The following CANT1 variants were observed in gnomAD, a reference collection of about 807,000 sequenced individuals.
CANT1 encodes calcium activated nucleotidase 1.
CANT1 carries 26 observed loss-of-function variants against 30.0 expected under a neutral mutation model. The observed-to-expected ratio is 0.87, with a 90% CI of 0.64 to 1.20. CANT1 has a LOEUF of 1.20. CANT1 is among the 50% of genes most tolerant of loss of function. The probability of loss-of-function intolerance (pLI) is 0.00; values close to 1 mark genes in which losing one functional copy is unlikely to be tolerated. For synonymous variants in CANT1, 246 were observed against 251.8 expected (o/e 0.98, Z 0.22); for missense variants, 518 against 563.0 (o/e 0.92, Z 0.81).
At chr17:79,000,462 C>T (rs1228318896) in intron 1 of CANT1, among the ~76,000 whole-genome samples, 1 of 151,568 alleles carries the variant, frequency 6.6e-6, no homozygotes, top group Non-Finnish European at 1.5e-5. Flanking sequence ...CTGACACTCC[C>T]ATACCCCCCG....
At position 78,992,110 on chromosome 17, in the gene CANT1, C is replaced by T. The variant is rs4861; in HGVS notation, c.*1440G>A. On this transcript the variant is annotated 3_prime_UTR_variant, in exon 5 of 5. Coordinates refer to ENST00000392446, the MANE Select transcript of CANT1 (RefSeq NM_001159773.2). ...GAGCTCTTCAGAAATGCGTCACATTCAGCGTTCACTTCCTTCGCTTCCTCC... is the reference window on the plus strand; with the variant it reads ...GAGCTCTTCAGAAATGCGTCACATTTAGCGTTCACTTCCTTCGCTTCCTCC... 33,566 of 232,206 alleles carry T rather than the reference C, an allele frequency of 0.14. 2,962 individuals are homozygous for T. Among genetic ancestry groups the T allele is most frequent in the East Asian group, 0.27 (4,488 of 16,456 alleles). 14.4% of individuals were successfully genotyped at this position (232,206 alleles called of 1,614,324 possible).
chr17:79,001,822 G>A (rs1028345450), intron 1 of CANT1, among the ~76,000 whole-genome samples: 5 of 151,998 alleles, frequency 3.3e-5, no homozygotes, highest in South Asian at 2.1e-4. Flanking sequence ...AGACCCCCAC[G>A]CCTTTCTAGC....
At chr17:79,000,717 C>CCT (rs2071226272) in intron 1 of CANT1, among the ~76,000 whole-genome samples, 1 of 152,234 alleles carries the variant, frequency 6.6e-6, no homozygotes, top group Non-Finnish European at 1.5e-5. Context: ...TGCAGTTCCC[C>CCT]CTGCCTGGAA....
chr17:78,996,933 C>G lies in CANT1; in HGVS notation c.631+59G>C. 1 of 1,604,840 alleles carries G rather than the reference C, an allele frequency of 6.2e-7. No individual in the cohort carries two copies. Among genetic ancestry groups the G allele is most frequent in the East Asian group, 2.2e-5 (1 of 44,872 alleles). On this transcript the variant is annotated intron_variant, in intron 3 of 4. Transcript: ENST00000392446. The surrounding 1 kb of genome is among the most constrained non-coding windows in gnomAD (Gnocchi z 5.1). ...TTTACCATGTGCCTGTGTTTGCCAG[C>G]CAGGCCCTGAGCTCCCACTCCCCAC...
intron 1 of CANT1, among the ~76,000 whole-genome samples, chr17:78,999,067 G>A (rs545245944): frequency 6.6e-6 from 1 of 152,256 alleles, no homozygotes; most frequent in African/African-American, 2.4e-5. Flanking sequence ...CAGCCTGCTG[G>A]GCTGAGAAGA....
At position 79,002,389 on chromosome 17, in the gene CANT1, C is replaced by T. The variant is rs1285949314; in HGVS notation, c.-146-4426G>A. On this transcript the variant is annotated intron_variant, in intron 1 of 4. Transcript: ENST00000392446. This position sits in a 1 kb window ranked among gnomAD's most constrained non-coding sequence, Gnocchi z 4.0. ...TTCTCACTCACTCTACAAGTACCCT[C>T]TCGCCTGCTGGGAGGGTTGCAAACT... Among the ~76,000 whole-genome samples, 1 of 152,222 alleles carries T rather than the reference C, an allele frequency of 6.6e-6. No homozygotes were observed. The highest frequency in any genetic ancestry group is 1.5e-5 in the Non-Finnish European group (1 of 68,040).
In CANT1 at chr17:78,992,721, C is replaced by T. The variant is rs115856545; in HGVS notation, c.*829G>A. The T allele has an allele frequency of 0.024, 14,528 of 596,736 alleles. 202 individuals are homozygous for T. The highest frequency in any genetic ancestry group is 0.033 in the East Asian group (980 of 29,470). 37.0% of individuals were successfully genotyped at this position (596,736 alleles called of 1,614,324 possible). A position where few individuals can be genotyped will look rare whatever the true frequency, so the allele number is the denominator to read the frequency against. ...CAAGAACGCCGACATGTGAGACTTG[C>T]TTCACCAGCCGCCACCGCTTCCTTA... On this transcript the variant is annotated 3_prime_UTR_variant, in exon 5 of 5. Transcript: ENST00000392446.
chr17:78,997,405 T>C lies in CANT1; in HGVS notation c.218A>G (p.Asn73Ser), dbSNP rs2071077012. The change falls in exon 3 of 5, where the codon AAT (asparagine) becomes AGT (serine). Residue 73 changes from asparagine (N) to serine (S), a missense_variant. Transcript: ENST00000392446. This position sits in a 1 kb window ranked among gnomAD's most constrained non-coding sequence, Gnocchi z 7.5. ...RPAPGRPPTH[N>S]AHNWRLGQAP... ...CTGGCCGAGCCTCCAGTTGTGTGCATTGTGGGTGGGGGGCCTGCCGGGGGC... is the reference window on the plus strand; with the variant it reads ...CTGGCCGAGCCTCCAGTTGTGTGCACTGTGGGTGGGGGGCCTGCCGGGGGC... 3 of 1,611,436 alleles carry C rather than the reference T, an allele frequency of 1.9e-6. No individual in the cohort carries two copies. Among genetic ancestry groups the C allele is most frequent in the Non-Finnish European group, 2.5e-6 (3 of 1,178,486 alleles).
chr17:79,005,643 G>A (rs1288279855), intron 1 of CANT1, among the ~76,000 whole-genome samples: 2 of 152,072 alleles, frequency 1.3e-5, no homozygotes, highest in African/African-American at 4.8e-5. Context: ...GTAGGCAGGT[G>A]GCAGGTGCGC....
At position 78,997,389 on chromosome 17, in the gene CANT1, C is replaced by A; in HGVS notation, c.234G>T (p.Arg78Ser). ...ACCAGTTGGCGGGCGCCTGGCCGAGCCTCCAGTTGTGTGCATTGTGGGTGG... is the reference window on the plus strand; with the variant it reads ...ACCAGTTGGCGGGCGCCTGGCCGAGACTCCAGTTGTGTGCATTGTGGGTGG... Reference protein sequence around the residue: ...RPPTHNAHNWRLGQAPANWYN... With the variant: ...RPPTHNAHNWSLGQAPANWYN... Residue 78 changes from arginine (R) to serine (S), a missense_variant, in exon 3 of 5, where the codon AGG (arginine) becomes AGT (serine). Around this residue, in one of 3 missense-constraint regions of CANT1, gnomAD observed 249 missense variants for 268.8 expected, o/e 0.93. Coordinates refer to ENST00000392446, the MANE Select transcript of CANT1 (RefSeq NM_001159773.2). This position sits in a 1 kb window ranked among gnomAD's most constrained non-coding sequence, Gnocchi z 7.5. 6.2e-7 allele frequency: 1 copy of A among 1,613,570 alleles called. No individual in the cohort carries two copies. Among genetic ancestry groups the A allele is most frequent in the Non-Finnish European group, 8.5e-7 (1 of 1,179,742 alleles).
rs748191954 is a variant in CANT1 at position 78,996,346 on chromosome 17, G to A, written c.631+646C>T. 2.4e-4 allele frequency among the ~76,000 whole-genome samples: 37 copies of A among 152,156 alleles called. No individual in the cohort carries two copies. Among genetic ancestry groups the A allele is most frequent in the Non-Finnish European group, 4.4e-4 (30 of 68,012 alleles). ...AGGAGCTGGCAGCTCCTCTGCCAGC[G>A]TCCTTGGCACCTCCCCAGCTCCTCT... is the stretch of plus-strand genomic sequence containing the variant. On this transcript the variant is annotated intron_variant, in intron 3 of 4. Transcript: ENST00000392446. This position sits in a 1 kb window ranked among gnomAD's most constrained non-coding sequence, Gnocchi z 5.1.
chr17:79,007,161 C>T (rs2071582901), intron 1 of CANT1, among the ~76,000 whole-genome samples: 1 of 152,230 alleles, frequency 6.6e-6, no homozygotes, highest in African/African-American at 2.4e-5. Flanking sequence ...AAAAACAGAA[C>T]GTCTCCCCAA....
In CANT1 at chr17:78,998,599, C is replaced by T. The variant is rs1470885558; in HGVS notation, c.-146-636G>A. On this transcript the variant is annotated intron_variant, in intron 1 of 4. Transcript: ENST00000392446. This position sits in a 1 kb window ranked among gnomAD's most constrained non-coding sequence, Gnocchi z 4.5. The stretch of plus-strand genomic sequence containing the variant: ...CTGGTGGCGGCCAGGAACTGCAGCC[C>T]TTCACTGCTGTCGCCAAGCCCACTT... Among the ~76,000 whole-genome samples, 1 of 152,258 alleles carries T rather than the reference C, an allele frequency of 6.6e-6. No homozygotes were observed. The highest frequency in any genetic ancestry group is 1.5e-5 in the Non-Finnish European group (1 of 68,044).
intron 1 of CANT1, among the ~76,000 whole-genome samples, chr17:79,001,370 C>A (rs2071254368): frequency 6.6e-6 from 1 of 152,100 alleles, no homozygotes; most frequent in African/African-American, 2.4e-5. Context: ...TCAGGTCAGT[C>A]CCCCCAGCCG....
chr17:78,997,878 T>C lies in CANT1; in HGVS notation c.-61A>G, dbSNP rs2071096745. 1 of 420,728 alleles carries C rather than the reference T, an allele frequency of 2.4e-6. No homozygotes were observed. Among genetic ancestry groups the C allele is most frequent in the Admixed American group, 4.0e-5 (1 of 25,198 alleles). 26.1% of individuals were successfully genotyped at this position (420,728 alleles called of 1,614,324 possible). ...GACGTGAAGTCTTTCCACAGCAAAA[T>C]TACTCCATCTCCCCTGTCCCAGCTG... On this transcript the variant is annotated 5_prime_UTR_variant, in exon 2 of 5. An upstream open reading frame in the 5' UTR loses its in-frame stop. Transcript: ENST00000392446. The surrounding 1 kb of genome is among the most constrained non-coding windows in gnomAD (Gnocchi z 7.5).
At position 78,997,037 on chromosome 17, in the gene CANT1, C is replaced by T. The variant is rs758757598; in HGVS notation, c.586G>A (p.Val196Met). 30 of 1,614,244 alleles carry T rather than the reference C, an allele frequency of 1.9e-5. No individual in the cohort carries two copies. The highest frequency in any genetic ancestry group is 8.9e-5 in the East Asian group (4 of 44,882). Reference sequence around the variant, plus strand: ...CCGTCGGACAGAATCACCCAGGGCACGGCTTTGCTGCCTTCGATCTGGTAG... The same window carrying T: ...CCGTCGGACAGAATCACCCAGGGCATGGCTTTGCTGCCTTCGATCTGGTAG... The part of the protein sequence containing the change: ...VVYQIEGSKA[V>M]PWVILSDGDG... Residue 196 changes from valine to methionine, a missense_variant, in exon 3 of 5, where the codon GTG becomes ATG. Val to Met is a conservative substitution (Grantham distance 21, BLOSUM62 1). Transcript: ENST00000392446. This position sits in a 1 kb window ranked among gnomAD's most constrained non-coding sequence, Gnocchi z 7.5.
rs1159453657 is a variant in CANT1, at chr17:78,997,090, T to C, written c.533A>G (p.Tyr178Cys). The C allele has an allele frequency of 1.2e-6, 2 of 1,613,958 alleles. No homozygotes were observed. Among genetic ancestry groups the C allele is most frequent in the South Asian group, 2.2e-5 (2 of 91,070 alleles). ...GACCCCCGTCCGGTCATCCACGGAG[T>C]AGAGTTTCCCATTGAAAACAATCAG... ...SDLIVFNGKLYSVDDRTGVVY... is the reference protein window; with the variant it reads ...SDLIVFNGKLCSVDDRTGVVY... The change falls in exon 3 of 5, where the codon TAC becomes TGC. Residue 178 changes from tyrosine (Y) to cysteine (C), a missense_variant. Around this residue, in one of 3 missense-constraint regions of CANT1, gnomAD observed 249 missense variants for 268.8 expected, o/e 0.93. Coordinates refer to ENST00000392446, the MANE Select transcript of CANT1 (RefSeq NM_001159773.2). This position sits in a 1 kb window ranked among gnomAD's most constrained non-coding sequence, Gnocchi z 7.5.
chr17:78,993,616 G>A lies in CANT1; in HGVS notation c.1140C>T (p.Asp380=), dbSNP rs2070911246. ...VASYIMAFTL[D]GRFLLPETKI... ...TGGTCTCCGGCAACAGGAAGCGCCC[G>A]TCCAGCGTGAAGGCCATGATGTAGG... Residue 380 remains aspartate (D), a synonymous_variant, in exon 5 of 5, where the codon GAC becomes GAT. Transcript: ENST00000392446. This position sits in a 1 kb window ranked among gnomAD's most constrained non-coding sequence, Gnocchi z 4.5. The A allele has an allele frequency of 3.1e-6, 5 of 1,614,272 alleles. No homozygotes were observed. Among genetic ancestry groups the A allele is most frequent in the Non-Finnish European group, 4.2e-6 (5 of 1,180,054 alleles).
chr17:78,995,273 T>A lies in CANT1; in HGVS notation c.632-52A>T. The A allele has an allele frequency of 6.4e-7, 1 of 1,572,172 alleles. No individual in the cohort carries two copies. Among genetic ancestry groups the A allele is most frequent in the African/African-American group, 1.3e-5 (1 of 74,094 alleles). On this transcript the variant is annotated intron_variant, in intron 3 of 4. Transcript: ENST00000392446. The surrounding 1 kb of genome is among the most constrained non-coding windows in gnomAD (Gnocchi z 5.7). ...CCGCACCCAGCTCCCGCCGCACCCC[T>A]GCACCTGGCTCCCACCCGGCCCCGC... is the stretch of plus-strand genomic sequence containing the variant.
Sources: allele counts gnomAD v4.1 joint callset (sites outside exome capture counted in the v4.1 genomes callset), GRCh38; gene constraint gnomAD v4.1.1; regional missense constraint gnomAD v4.1.1; non-coding constraint Gnocchi (gnomAD v3.1); transcripts MANE v1.5; gene names NCBI Gene and HGNC (gene_info 2026-07-23, HGNC 2026-07-21).